The following ZNF236 variants were observed in gnomAD, a reference collection of about 807,000 sequenced individuals.
The protein encoded by ZNF236 is zinc finger protein 236.
In ZNF236, 50 loss-of-function variants were observed where a neutral mutation model predicts 191.2. That is an observed-to-expected ratio of 0.26 (90% CI 0.21 to 0.33). The LOEUF (loss-of-function observed/expected upper bound fraction) is 0.33, where lower values mean the gene tolerates loss of function less well. Ranked by LOEUF, ZNF236 falls within the 10% of genes least tolerant of loss-of-function variation. The probability of loss-of-function intolerance (pLI) is 1.00; values close to 1 mark genes in which losing one functional copy is unlikely to be tolerated. For synonymous variants in ZNF236, 907 were observed against 928.8 expected, an observed-to-expected ratio of 0.98 and a Z score of 0.43; for missense variants, 1,754 against 2,374.5, an observed-to-expected ratio of 0.74 and a Z score of 5.43.
At chr18:76,856,583 G>A (rs1468550919) in intron 3 of ZNF236, among the ~76,000 whole-genome samples, 2 of 152,162 alleles carry the variant, frequency 1.3e-5, no homozygotes, top group Non-Finnish European at 2.9e-5. Context: ...CTTTAATTAT[G>A]AGTGAAGTTT....
At chr18:76,914,388 G>T (rs1437829826) in intron 18 of ZNF236, among the ~76,000 whole-genome samples, 1 of 152,168 alleles carries the variant, frequency 6.6e-6, no homozygotes, top group Non-Finnish European at 1.5e-5. Flanking sequence ...ATGCACATTT[G>T]TATTTAAGTG....
intron 22 of ZNF236, among the ~76,000 whole-genome samples, chr18:76,926,564 AGG>A (rs1481984833): frequency 6.6e-6 from 1 of 151,796 alleles, no homozygotes; most frequent in African/African-American, 2.4e-5. Context: ...TATGGTATAA[AGG>A]GTGATTAGAC....
intron 1 of ZNF236, among the ~76,000 whole-genome samples, chr18:76,835,658 C>G (rs1975302695): frequency 6.6e-6 from 1 of 152,098 alleles, no homozygotes; most frequent in Non-Finnish European, 1.5e-5. Context: ...AATTCTTTTA[C>G]TTTGTCTTTC....
chr18:76,950,654 T>C (rs1968383297), intron 27 of ZNF236, among the ~76,000 whole-genome samples: 1 of 152,214 alleles, frequency 6.6e-6, no homozygotes, highest in African/African-American at 2.4e-5. Context: ...AAGTCATCCA[T>C]GAGGGCTGGA....
chr18:76,894,997 T>C lies in ZNF236; in HGVS notation c.1418-16T>C. On this transcript the variant is annotated splice_polypyrimidine_tract_variant and intron_variant, in intron 9 of 30. Transcript: ENST00000320610. ...GGGTGTCCAGGCCAAGCGGGACGTG[T>C]CCTCTCCCTTCACAGGCTCCATCCG... The C allele has an allele frequency of 6.2e-7, 1 of 1,606,262 alleles. No individual in the cohort carries two copies. The highest frequency in any genetic ancestry group is 8.5e-7 in the Non-Finnish European group (1 of 1,179,562).
intron 3 of ZNF236, among the ~76,000 whole-genome samples, chr18:76,866,518 A>C (rs1273385747): frequency 6.6e-6 from 1 of 152,214 alleles, no homozygotes; most frequent in Admixed American, 6.5e-5. Context: ...GGGGTTGGAC[A>C]GGAGAGCAGC....
chr18:76,849,190 C>T (rs771384652), intron 1 of ZNF236: 9 of 197,362 alleles, frequency 4.6e-5, no homozygotes, highest in Non-Finnish European at 6.1e-5. Context: ...AAACACTATA[C>T]AGTAGGTTCA....
At chr18:76,889,076 G>C (rs1160450297) in intron 9 of ZNF236, among the ~76,000 whole-genome samples, 2 of 152,142 alleles carry the variant, frequency 1.3e-5, no homozygotes, top group African/African-American at 4.8e-5. Context: ...GTCCCACCAG[G>C]CATCCTGTAC....
chr18:76,890,553 A>AT (rs1977199719), intron 9 of ZNF236, among the ~76,000 whole-genome samples: 1 of 152,190 alleles, frequency 6.6e-6, no homozygotes, highest in South Asian at 2.1e-4. Context: ...TCTAGGAGCA[A>AT]TTATTGGAGC....
In ZNF236 at chr18:76,905,340, G is replaced by A. The variant is rs757586545; in HGVS notation, c.2222G>A (p.Arg741His). The change falls in exon 13 of 31, where the codon CGT becomes CAT. Residue 741 changes from arginine (R) to histidine (H), a missense_variant. By Grantham distance (29) the Arg-to-His change is conservative. Around this residue, in one of 5 missense-constraint regions of ZNF236, gnomAD observed 641 missense variants for 869.6 expected, o/e 0.74. Transcript: ENST00000320610. ...CACATGGGTATCCACAACGACCTTC[G>A]TCCCTATATGTGTCCCTATTGCCAA... ...RRHMGIHNDL[R>H]PYMCPYCQKT... The A allele has an allele frequency of 1.9e-6, 3 of 1,613,994 alleles. No homozygotes were observed. Among genetic ancestry groups the A allele is most frequent in the Non-Finnish European group, 1.7e-6 (2 of 1,180,016 alleles).
Position 76,968,794 on chromosome 18 carries a change from G to A in ZNF236, c.*455G>A. On this transcript the variant is annotated 3_prime_UTR_variant, in exon 31 of 31. Coordinates refer to ENST00000320610, the MANE Select transcript of ZNF236 (RefSeq NM_001306089.2). ...TGAGGCATGAAGTTCAGAAAAAAAA[G>A]TGTTACAACACACAGGGAAGTTTTT... is the stretch of plus-strand genomic sequence containing the variant. The A allele has an allele frequency of 1.0e-6, 1 of 989,878 alleles. No homozygotes were observed. The highest frequency in any genetic ancestry group is 1.2e-6 in the Non-Finnish European group (1 of 833,116). The allele number at this position is 989,878 out of a possible 1,614,324, so 61.3% of individuals were successfully genotyped here. A position where few individuals can be genotyped will look rare whatever the true frequency, so the allele number is the denominator to read the frequency against.
At chr18:76,930,147 G>A (rs907877376) in intron 25 of ZNF236, among the ~76,000 whole-genome samples, 6 of 152,108 alleles carry the variant, frequency 3.9e-5, no homozygotes, top group Admixed American at 1.3e-4. Flanking sequence ...ATTCATCCAC[G>A]GATCTTTTGA....
intron 3 of ZNF236, among the ~76,000 whole-genome samples, chr18:76,855,066 C>T (rs1976003904): frequency 6.6e-6 from 1 of 152,142 alleles, no homozygotes; most frequent in Non-Finnish European, 1.5e-5. Flanking sequence ...GCTGGGATTA[C>T]AGGCGCCCCA....
chr18:76,847,756 G>C (rs144300254), intron 1 of ZNF236, among the ~76,000 whole-genome samples: 1 of 152,200 alleles, frequency 6.6e-6, no homozygotes, highest in Admixed American at 6.5e-5. Flanking sequence ...GACTACAGGC[G>C]TGAGCCCCTC....
chr18:76,968,144 T>A (rs1968828734), intron 30 of ZNF236, 71 bp from the exon 31 acceptor site: 2 of 1,572,394 alleles, frequency 1.3e-6, no homozygotes, highest in Non-Finnish European at 1.7e-6. Flanking sequence ...AGAAAGTCTT[T>A]ATTTAAATAG....
intron 12 of ZNF236, 24 bp from the exon 13 acceptor site, chr18:76,905,131 T>C: frequency 6.3e-7 from 1 of 1,590,714 alleles, no homozygotes; most frequent in Non-Finnish European, 8.6e-7. Flanking sequence ...AACATATTCA[T>C]TAAAATGTGT....
At position 76,925,931 on chromosome 18, in the gene ZNF236, A is replaced by G. The variant is rs191526235; in HGVS notation, c.4027+377A>G. ...AGTTTTCCAGTTGTTCTTGCGTCTC[A>G]TAGTGCTTGAGAAGTGTTACATTTT... On this transcript the variant is annotated intron_variant, in intron 22 of 30. Transcript: ENST00000320610. This position sits in a 1 kb window ranked among gnomAD's most constrained non-coding sequence, Gnocchi z 5.7. 2.8e-3 allele frequency among the ~76,000 whole-genome samples: 420 copies of G among 152,328 alleles called. 5 individuals are homozygous for G. The highest frequency in any genetic ancestry group is 9.8e-3 in the African/African-American group (407 of 41,564).
rs1205524330 is a variant in ZNF236 at position 76,925,404 on chromosome 18, G to C, written c.3877G>C (p.Glu1293Gln). The C allele has an allele frequency of 6.2e-7, 1 of 1,614,182 alleles. No individual in the cohort carries two copies. The highest frequency in any genetic ancestry group is 1.1e-5 in the South Asian group (1 of 91,072). ...AAAGCCTATGACTCGAAGCTCATCG[G>C]AAGGACTGCAGCCTGTAAACCTCCT... is the stretch of plus-strand genomic sequence containing the variant. ...ARKPMTRSSS[E>Q]GLQPVNLLNS... The change falls in exon 22 of 31, where the codon GAA becomes CAA. Residue 1293 changes from glutamate (E) to glutamine (Q), a missense_variant. Around this residue, in one of 5 missense-constraint regions of ZNF236, gnomAD observed 606 missense variants for 761.5 expected, o/e 0.80. Transcript: ENST00000320610. The surrounding 1 kb of genome is among the most constrained non-coding windows in gnomAD (Gnocchi z 5.7).
chr18:76,823,100 C>A (rs1192668382), intron 1 of ZNF236, among the ~76,000 whole-genome samples: 1 of 150,944 alleles, frequency 6.6e-6, no homozygotes. Context: ...GATACCGCGC[C>A]CCGGGCTCCT....
Sources: gnomAD v4.1 joint callset for allele counts (sites outside exome capture counted in the v4.1 genomes callset) on GRCh38, gnomAD v4.1.1 for gene constraint, gnomAD v4.1.1 regional missense constraint, Gnocchi (gnomAD v3.1) non-coding constraint, MANE v1.5 for transcripts, NCBI Gene and HGNC (gene_info 2026-07-23, HGNC 2026-07-21) for gene names.